RASA1: variants seen among roughly 807,000 people sequenced by gnomAD.
RASA1 encodes the protein ras GTPase-activating protein 1.
RASA1 carries 25 observed loss-of-function variants against 132.2 expected under a neutral mutation model. The observed-to-expected ratio is 0.19, with a 90% CI of 0.14 to 0.26. The LOEUF (loss-of-function observed/expected upper bound fraction) is 0.26, where lower values mean the gene tolerates loss of function less well. RASA1 is among the 10% of genes least tolerant of loss of function. The probability of loss-of-function intolerance (pLI) is 1.00; values close to 1 mark genes in which losing one functional copy is unlikely to be tolerated. For synonymous variants in RASA1, 477 were observed against 449.9 expected (o/e 1.06, Z -0.76); for missense variants, 964 against 1,299.2 (o/e 0.74, Z 3.97).
At chr5:87,366,346 A>G in intron 11 of RASA1, 1 of 430,660 alleles carries the variant, frequency 2.3e-6, no homozygotes, top group Non-Finnish European at 4.7e-6. Context: ...AGTTTATATG[A>G]ACAGATGCAG....
intron 9 of RASA1, among the ~76,000 whole-genome samples, chr5:87,358,418 G>A (rs1403965807): frequency 5.9e-5 from 9 of 152,188 alleles, no homozygotes; most frequent in Non-Finnish European, 1.2e-4. Context: ...GAGCTGAGAG[G>A]TTAATAACTT....
intron 13 of RASA1, 91 bp downstream of exon 13, chr5:87,372,286 C>T: frequency 8.3e-7 from 1 of 1,199,924 alleles, no homozygotes; most frequent in Non-Finnish European, 1.2e-6. Flanking sequence ...CTGTTTTGGA[C>T]ATCATATGGG....
intron 1 of RASA1, among the ~76,000 whole-genome samples, chr5:87,307,163 C>T (rs889451002): frequency 6.6e-6 from 1 of 152,134 alleles, no homozygotes; most frequent in Non-Finnish European, 1.5e-5. Flanking sequence ...CCACTTTGCC[C>T]AGCCCGTTAG....
At position 87,353,227 on chromosome 5, in the gene RASA1, C is replaced by T. The variant is rs532587037; in HGVS notation, c.1324C>T (p.Pro442Ser). Residue 442 changes from proline to serine, a missense_variant, in exon 9 of 25, where the codon CCA (proline) becomes TCA (serine). Transcript: ENST00000274376. ...VEGYYLKEPV[P>S]MQDQEQVLND... ...AGGATATTATCTTAAGGAACCTGTA[C>T]CAATGCAGGTCAGTGTTGCATTTCT... 105 of 1,602,280 alleles carry T rather than the reference C, an allele frequency of 6.6e-5. 1 individual carries two copies. In the South Asian group the frequency reaches 8.5e-4, roughly 13 times the overall value.
At chr5:87,366,332 A>T (rs1156395534) in intron 11 of RASA1, 1 of 402,596 alleles carries the variant, frequency 2.5e-6, no homozygotes, top group Non-Finnish European at 5.1e-6. Flanking sequence ...CATTATTTTG[A>T]TATAGTTTAT....
chr5:87,289,969 C>T (rs1272797008), intron 1 of RASA1, among the ~76,000 whole-genome samples: 3 of 151,948 alleles, frequency 2.0e-5, no homozygotes, highest in Non-Finnish European at 4.4e-5. Flanking sequence ...TAGTCACTTT[C>T]GAGCTTTGTT....
chr5:87,332,480 A>G, intron 2 of RASA1, 27 bp from the exon 3 acceptor site: 1 of 1,585,340 alleles, frequency 6.3e-7, no homozygotes, highest in Non-Finnish European at 8.6e-7. Context: ...AGATTTTTTT[A>G]TACTGTATTT....
intron 6 of RASA1, among the ~76,000 whole-genome samples, chr5:87,343,992 A>C (rs1486181966): frequency 6.6e-6 from 1 of 152,154 alleles, no homozygotes; most frequent in African/African-American, 2.4e-5. Context: ...ATGTGTTCTC[A>C]CTCATATGGG....
rs1182884473 is a variant in RASA1, at chr5:87,287,621, C to CATATACACGCCATAGATATACCATAT, written c.539+18653_539+18678dup. Among the ~76,000 whole-genome samples, 66 of 145,080 alleles carry CATATACACGCCATAGATATACCATAT rather than the reference C, an allele frequency of 4.5e-4. 1 individual carries two copies. The highest frequency in any genetic ancestry group is 7.8e-3 in the Middle Eastern group (2 of 256). On this transcript the variant is annotated intron_variant, in intron 1 of 24. Coordinates refer to ENST00000274376, the MANE Select transcript of RASA1 (RefSeq NM_002890.3). ...ATATACACGCCATATATATACCATA[C>CATATACACGCCATAGATATACCATAT]ATATACACGCCATAGATATACCATA...
At chr5:87,299,519 GTTCTC>G (rs1240719012) in intron 1 of RASA1, among the ~76,000 whole-genome samples, 7 of 152,024 alleles carry the variant, frequency 4.6e-5, no homozygotes, top group Non-Finnish European at 8.8e-5. Context: ...TTTGTATATG[GTTCTC>G]TTTTCTTTTT....
chr5:87,297,008 G>A (rs1755150769), intron 1 of RASA1, among the ~76,000 whole-genome samples: 1 of 151,588 alleles, frequency 6.6e-6, no homozygotes, highest in Non-Finnish European at 1.5e-5. Context: ...TCTGTTGTTA[G>A]ACCCTTAAGC....
Position 87,267,936 on chromosome 5 carries a change from G to GC in RASA1, c.-510dup, listed in dbSNP as rs1047668746. 10 of 379,980 alleles carry GC rather than the reference G, an allele frequency of 2.6e-5. No homozygotes were observed. The highest frequency in any genetic ancestry group is 7.6e-5 in the East Asian group (2 of 26,154). The allele number at this position is 379,980 out of a possible 1,614,324, so 23.5% of individuals were successfully genotyped here. A position where few individuals can be genotyped will look rare whatever the true frequency, so the allele number is the denominator to read the frequency against. The stretch of plus-strand genomic sequence containing the variant: ...GTTCAGTCGATTTCCTCGTTACCCC[G>GC]CCCCCCTTTCTCTTGCCCCCCCACC... On this transcript the variant is annotated 5_prime_UTR_variant, in exon 1 of 25. Transcript: ENST00000274376.
intron 1 of RASA1, among the ~76,000 whole-genome samples, chr5:87,307,447 C>G (rs1363511748): frequency 1.3e-5 from 2 of 148,284 alleles, no homozygotes; most frequent in African/African-American, 5.1e-5. Flanking sequence ...GGCAACAGAG[C>G]GAAACTCTGT....
intron 1 of RASA1, among the ~76,000 whole-genome samples, chr5:87,309,392 G>T (rs1185229700): frequency 6.6e-6 from 1 of 152,068 alleles, no homozygotes; most frequent in Non-Finnish European, 1.5e-5. Context: ...TTTTAAATAG[G>T]GTAGTCAGTA....
At chr5:87,335,720 C>T (rs1194291676) in intron 4 of RASA1, among the ~76,000 whole-genome samples, 2 of 152,164 alleles carry the variant, frequency 1.3e-5, no homozygotes, top group African/African-American at 4.8e-5. Context: ...GCCATCGTGG[C>T]TGGCCAAGAA....
chr5:87,368,941 T>C (rs946920560), intron 11 of RASA1, among the ~76,000 whole-genome samples: 2 of 152,230 alleles, frequency 1.3e-5, no homozygotes, highest in African/African-American at 4.8e-5. Flanking sequence ...GTTAGTCTGA[T>C]ACAGGCAACA....
intron 1 of RASA1, among the ~76,000 whole-genome samples, chr5:87,289,898 C>T (rs952009499): frequency 4.6e-5 from 7 of 152,098 alleles, no homozygotes; most frequent in African/African-American, 1.2e-4. Flanking sequence ...CATGAGCCAC[C>T]GTGCCTGGCT....
intron 4 of RASA1, among the ~76,000 whole-genome samples, chr5:87,335,484 G>A (rs1757908167): frequency 7.3e-6 from 1 of 136,208 alleles, no homozygotes; most frequent in Non-Finnish European, 1.5e-5. Flanking sequence ...GGAGTGCAAT[G>A]GTGCCATCTT....
rs774547215 is a variant in RASA1, at chr5:87,362,586, C to T, written c.1368C>T (p.Gly456=). Residue 456 remains glycine, a synonymous_variant, in exon 10 of 25, where the codon GGC becomes GGT. Transcript: ENST00000274376. ...QEQVLNDTVD[G]KEIYNTIRRK... The stretch of plus-strand genomic sequence containing the variant: ...AAGTACTCAATGACACAGTGGATGG[C>T]AAGGAAATCTATAATACCATCCGTC... 4.4e-6 allele frequency: 7 copies of T among 1,596,198 alleles called. No individual in the cohort carries two copies. The highest frequency in any genetic ancestry group is 6.0e-6 in the Non-Finnish European group (7 of 1,164,080).
Sources: allele counts gnomAD v4.1 joint callset (sites outside exome capture counted in the v4.1 genomes callset), GRCh38; gene constraint gnomAD v4.1.1; transcripts MANE v1.5; gene names NCBI Gene and HGNC (gene_info 2026-07-23, HGNC 2026-07-21).